HNF4A: variants seen among roughly 807,000 people sequenced by gnomAD.
HNF4A encodes hepatocyte nuclear factor 4 alpha.
HNF4A carries 15 observed loss-of-function variants against 52.4 expected under a neutral mutation model. The observed-to-expected ratio is 0.29, with a 90% CI of 0.19 to 0.44. The LOEUF (loss-of-function observed/expected upper bound fraction) is 0.44. HNF4A is among the 20% of genes least tolerant of loss of function. The probability of loss-of-function intolerance (pLI) is 1.00; values close to 1 mark genes in which losing one functional copy is unlikely to be tolerated. For missense variants in HNF4A, 479 were observed against 647.2 expected, an observed-to-expected ratio of 0.74 and a Z score of 2.82; for synonymous variants, 280 against 264.4, an observed-to-expected ratio of 1.06 and a Z score of -0.57.
chr20:44,392,460 T>C (rs770277363), intron 1 of HNF4A, among the ~76,000 whole-genome samples: 8 of 152,136 alleles, frequency 5.3e-5, no homozygotes, highest in Non-Finnish European at 1.0e-4. Context: ...TACCCCAAGA[T>C]TCGATCATTG....
upstream of HNF4A, among the ~76,000 whole-genome samples, chr20:44,399,758 A>G (rs971777354): frequency 1.3e-5 from 2 of 151,910 alleles, no homozygotes; most frequent in African/African-American, 2.4e-5. Context: ...GCATTCACTC[A>G]ACTCACTCAT....
intron 6 of HNF4A, 119 bp from the exon 7 acceptor site, chr20:44,419,602 A>G (rs2063715464): frequency 2.2e-6 from 2 of 902,118 alleles, no homozygotes; most frequent in Admixed American, 3.4e-5. Context: ...GGGAGTCACC[A>G]TCCCTGCAGG....
intron 8 of HNF4A, among the ~76,000 whole-genome samples, chr20:44,426,225 C>T (rs936542206): frequency 2.6e-5 from 4 of 151,568 alleles, no homozygotes; most frequent in Admixed American, 1.3e-4. Context: ...CAGAAAGAAG[C>T]GGGGAAGAAA....
intron 1 of HNF4A, among the ~76,000 whole-genome samples, chr20:44,388,212 C>T (rs533064479): frequency 2.0e-5 from 3 of 152,080 alleles, no homozygotes. Flanking sequence ...CCTTGGCCAC[C>T]TAAAGCTGGA....
chr20:44,419,706 T>C lies in HNF4A; in HGVS notation c.737-15T>C. 1 of 815,184 alleles carries C rather than the reference T, an allele frequency of 1.2e-6. No individual in the cohort carries two copies. Among genetic ancestry groups the C allele is most frequent in the Non-Finnish European group, 2.0e-6 (1 of 507,576 alleles). 50.5% of individuals were successfully genotyped at this position (815,184 alleles called of 1,614,324 possible). ...AAGGTGACTTCCCATCCTCCCTCCC[T>C]CCCAACCCTTCCAGGCAATGACTAC... On this transcript the variant is annotated splice_polypyrimidine_tract_variant and intron_variant, in intron 6 of 9. Transcript: ENST00000316099.
chr20:44,358,496 G>C (rs146754677), intron 1 of HNF4A, among the ~76,000 whole-genome samples: 5,395 of 152,230 alleles, frequency 0.035, 148 homozygotes, highest in Non-Finnish European at 0.052. Context: ...TGTAATTCCA[G>C]CTACTTGGGA....
intron 1 of HNF4A, among the ~76,000 whole-genome samples, chr20:44,362,493 CAT>C (rs2062928079): frequency 6.7e-6 from 1 of 150,000 alleles, no homozygotes; most frequent in African/African-American, 2.4e-5. Flanking sequence ...TTTCCTGACT[CAT>C]ATGCCTGTAG....
upstream of HNF4A, among the ~76,000 whole-genome samples, chr20:44,397,986 C>T (rs1478691119): frequency 1.3e-5 from 2 of 152,134 alleles, no homozygotes; most frequent in African/African-American, 2.4e-5. Flanking sequence ...TTTCCTTTTC[C>T]ACCTCCCGTT....
rs551887470 is a variant in HNF4A, at chr20:44,415,622, A to G, written c.648+960A>G. Among the ~76,000 whole-genome samples the G allele has an allele frequency of 5.9e-5, 9 of 152,340 alleles. 1 individual carries two copies. Among genetic ancestry groups the G allele is most frequent in the African/African-American group, 2.2e-4 (9 of 41,582 alleles). ...TCGCTTACCCGTTTCGCACCTTTGCATAAGACACTGACAATGCATGTGAGT... is the reference window on the plus strand; with the variant it reads ...TCGCTTACCCGTTTCGCACCTTTGCGTAAGACACTGACAATGCATGTGAGT... On this transcript the variant is annotated intron_variant, in intron 5 of 9. Transcript: ENST00000316099.
Position 44,390,383 on chromosome 20 carries a change from A to G in HNF4A, c.50-15675A>G, listed in dbSNP as rs575995275. The G allele has an allele frequency of 1.0e-5, 5 of 498,348 alleles. No individual in the cohort carries two copies. In the East Asian group the frequency reaches 1.6e-4, roughly 16 times the overall value. The allele number at this position is 498,348 out of a possible 1,614,324, so 30.9% of individuals were successfully genotyped here. A position where few individuals can be genotyped will look rare whatever the true frequency, so the allele number is the denominator to read the frequency against. On this transcript the variant is annotated intron_variant, in intron 1 of 9. Coordinates refer to the HNF4A transcript ENST00000316673. ...AGGAGTCCAGACCACTGTGTCTCCC[A>G]TTCCTATTGGGGTTGGCTCTCTAGG...
At chr20:44,400,378 C>T (rs1202295610), upstream of HNF4A, among the ~76,000 whole-genome samples, 1 of 152,188 alleles carries the variant, frequency 6.6e-6, no homozygotes, top group East Asian at 1.9e-4. Flanking sequence ...TACCAGGCCC[C>T]ACTTGGTGCT....
intron 1 of HNF4A, chr20:44,389,610 T>C (rs1276689315): frequency 6.6e-6 from 1 of 152,254 alleles, no homozygotes; most frequent in Non-Finnish European, 1.5e-5. Flanking sequence ...GAATAAATGT[T>C]GACTGTTTCG....
At chr20:44,387,308 AAAAAAG>A (rs2063237760) in intron 1 of HNF4A, among the ~76,000 whole-genome samples, 1 of 145,798 alleles carries the variant, frequency 6.9e-6, no homozygotes, top group Admixed American at 6.7e-5. Context: ...AAAAAAAAAA[AAAAAAG>A]AAGTATTCCA....
intron 1 of HNF4A, among the ~76,000 whole-genome samples, chr20:44,403,316 C>T (rs2063436790): frequency 6.6e-6 from 1 of 152,238 alleles, no homozygotes; most frequent in South Asian, 2.1e-4. Flanking sequence ...AGGCAATTTC[C>T]TCTCTGAGCC....
intron 2 of HNF4A, 56 bp downstream of exon 2, chr20:44,406,288 C>G: frequency 6.6e-7 from 1 of 1,511,046 alleles, no homozygotes; most frequent in South Asian, 1.1e-5. Context: ...CTCATGGCCC[C>G]AAGGTCTGTC....
At chr20:44,355,739 T>C in exon 1 of HNF4A, 1 of 1,455,770 alleles carries the variant, frequency 6.9e-7, no homozygotes, top group Non-Finnish European at 9.6e-7. Flanking sequence ...CTGGTGGCTG[T>C]GCTGCTGCTG....
intron 7 of HNF4A, among the ~76,000 whole-genome samples, chr20:44,421,183 C>G (rs1440300319): frequency 6.6e-6 from 1 of 152,160 alleles, no homozygotes; most frequent in African/African-American, 2.4e-5. Flanking sequence ...GACGGTATCT[C>G]CCAACCCTTC....
chr20:44,387,689 G>A (rs867153573), intron 1 of HNF4A, among the ~76,000 whole-genome samples: 2 of 101,314 alleles, frequency 2.0e-5, no homozygotes, highest in South Asian at 3.4e-4. Flanking sequence ...GCGGTGGAGC[G>A]GGGGAGATCC....
intron 1 of HNF4A, among the ~76,000 whole-genome samples, chr20:44,357,308 A>G (rs1015640473): frequency 6.6e-6 from 1 of 152,158 alleles, no homozygotes; most frequent in Non-Finnish European, 1.5e-5. Context: ...AACAGGACCT[A>G]TCTCCCAGAG....
Sources: gnomAD v4.1 joint callset for allele counts (sites outside exome capture counted in the v4.1 genomes callset) on GRCh38, gnomAD v4.1.1 for gene constraint, MANE v1.5 for transcripts, NCBI Gene and HGNC (gene_info 2026-07-23, HGNC 2026-07-21) for gene names.